Variants in DOCK9 observed in about 807,000 individuals in gnomAD.
DOCK9 encodes dedicator of cytokinesis protein 9.
Under a neutral mutation model 263.3 loss-of-function variants are expected in DOCK9, and 89 were observed. The observed-to-expected ratio is 0.34, with a 90% CI of 0.28 to 0.40. The LOEUF is 0.40. Ranked by LOEUF, DOCK9 falls within the 10% of genes least tolerant of loss-of-function variation. The pLI is 1.00. For missense variants in DOCK9, 2,140 were observed against 2,603.4 expected, an observed-to-expected ratio of 0.82 and a Z score of 3.87; for synonymous variants, 976 against 973.1, an observed-to-expected ratio of 1.00 and a Z score of -0.06.
intron 44 of DOCK9, 144 bp downstream of exon 44, chr13:98,826,684 CAT>C (rs2092553811): frequency 4.7e-6 from 3 of 637,704 alleles, no homozygotes; most frequent in Non-Finnish European, 8.0e-6. Flanking sequence ...TTCAAGCAAA[CAT>C]CACGCCAGGG....
chr13:99,014,558 C>T (rs538401097), intron 1 of DOCK9, among the ~76,000 whole-genome samples: 3 of 152,312 alleles, frequency 2.0e-5, no homozygotes, highest in South Asian at 2.1e-4. Flanking sequence ...CATGCCAATA[C>T]CCCCTTCTCA....
At chr13:98,919,478 A>G (rs1362407169) in intron 7 of DOCK9, among the ~76,000 whole-genome samples, 3 of 152,260 alleles carry the variant, frequency 2.0e-5, no homozygotes, top group Admixed American at 2.0e-4. Context: ...TGTAACAAGT[A>G]TACCTTTAGT....
chr13:98,810,111 G>A (rs2091164205), intron 46 of DOCK9, 58 bp downstream of exon 46: 11 of 1,606,674 alleles, frequency 6.8e-6, no homozygotes, highest in Non-Finnish European at 9.4e-6. Flanking sequence ...GCAGGTCTGG[G>A]TATATGTCAC....
At chr13:98,991,220 C>T (rs962672846) in intron 1 of DOCK9, among the ~76,000 whole-genome samples, 6 of 151,828 alleles carry the variant, frequency 4.0e-5, no homozygotes, top group African/African-American at 1.5e-4. Context: ...TATAGGCATG[C>T]ACCACCATGC....
intron 9 of DOCK9, among the ~76,000 whole-genome samples, chr13:98,909,374 T>C (rs191016610): frequency 2.6e-5 from 4 of 152,326 alleles, no homozygotes; most frequent in African/African-American, 9.6e-5. Context: ...GCTTTAGGCA[T>C]ACTCTGTGTC....
Position 98,886,632 on chromosome 13 carries a change from AAG to A in DOCK9, c.2044-10_2044-9del. 6.2e-7 allele frequency: 1 copy of A among 1,611,444 alleles called. No homozygotes were observed. The highest frequency in any genetic ancestry group is 8.5e-7 in the Non-Finnish European group (1 of 1,177,856). On this transcript the variant is annotated splice_polypyrimidine_tract_variant and intron_variant, in intron 18 of 52. Transcript: ENST00000682017. ...AGGTCTGCCATAAATGCACTAAAAT[AAG>A]AGTTACCAAAGGGAAACATCACGGT...
At chr13:98,827,730 C>T (rs937523052) in intron 43 of DOCK9, among the ~76,000 whole-genome samples, 2 of 152,194 alleles carry the variant, frequency 1.3e-5, no homozygotes, top group African/African-American at 2.4e-5. Context: ...ATGCCTCCCA[C>T]GTGTGTCCCT....
intron 1 of DOCK9, among the ~76,000 whole-genome samples, chr13:99,061,696 T>C (rs376690540): frequency 2.6e-5 from 4 of 152,086 alleles, no homozygotes; most frequent in Non-Finnish European, 5.9e-5. Flanking sequence ...CCACCCCCAC[T>C]GCTCCCAGGC....
intron 1 of DOCK9, among the ~76,000 whole-genome samples, chr13:99,052,020 C>G (rs2142214929): frequency 6.6e-6 from 1 of 152,344 alleles, no homozygotes; most frequent in South Asian, 2.1e-4. Flanking sequence ...AGAAGCCAAA[C>G]TGATATTCAG....
At position 98,989,341 on chromosome 13, in the gene DOCK9, ATGATG is replaced by A. The variant is rs1879240177; in HGVS notation, c.130-33795_130-33791del. ...AATGATGATGATGATGATGATGATG[ATGATG>A]ATAATAATAATAATAATAATAATAA... On this transcript the variant is annotated intron_variant, in intron 1 of 32. Coordinates refer to the DOCK9 transcript ENST00000427887. Among the ~76,000 whole-genome samples, 15 of 127,094 alleles carry A rather than the reference ATGATG, an allele frequency of 1.2e-4. No homozygotes were observed. In the South Asian group the frequency reaches 3.9e-3, roughly 33 times the overall value. The allele number at this position is 127,094 out of a possible 152,430, so 83.4% of individuals were successfully genotyped here.
chr13:98,804,164 G>A (rs2090431672), intron 49 of DOCK9, among the ~76,000 whole-genome samples: 1 of 152,136 alleles, frequency 6.6e-6, no homozygotes, highest in Non-Finnish European at 1.5e-5. Context: ...GACTTAACTA[G>A]GGCCACTCTT....
intron 45 of DOCK9, among the ~76,000 whole-genome samples, chr13:98,822,940 A>C (rs993388894): frequency 3.3e-5 from 5 of 152,142 alleles, no homozygotes; most frequent in Non-Finnish European, 5.9e-5. Context: ...TTTTGAGCTC[A>C]AGACCCCTTC....
intron 1 of DOCK9, among the ~76,000 whole-genome samples, chr13:99,060,980 A>G (rs754740527): frequency 2.0e-5 from 3 of 152,358 alleles, no homozygotes; most frequent in Middle Eastern, 3.4e-3. Flanking sequence ...TTCCCTTTAC[A>G]TGTTAATCCT....
chr13:99,087,731 G>C (rs994808566), upstream of DOCK9: 4 of 152,410 alleles, frequency 2.6e-5, no homozygotes, highest in South Asian at 8.3e-4. Context: ...TCAGTGGTTG[G>C]GGACTGGGCG....
Position 98,797,118 on chromosome 13 carries a change from C to T in DOCK9, c.6153G>A (p.Glu2051=). 1 of 1,614,002 alleles carries T rather than the reference C, an allele frequency of 6.2e-7. No homozygotes were observed. The highest frequency in any genetic ancestry group is 8.5e-7 in the Non-Finnish European group (1 of 1,179,904). Residue 2051 remains glutamate, a synonymous_variant, in exon 52 of 53, where the codon GAG becomes GAA. Transcript: ENST00000682017. ...TTGGAGCCAGTGCGGCCCTCACCTG[C>T]TCATGCATGATTTCAGAAAGCTCCT... ...MAKELSEIMH[E]QICPLEEKTS...
At chr13:98,903,322 G>C (rs1289092142) in intron 10 of DOCK9, among the ~76,000 whole-genome samples, 1 of 152,112 alleles carries the variant, frequency 6.6e-6, no homozygotes, top group African/African-American at 2.4e-5. Flanking sequence ...GGCCGGGCAC[G>C]GTGGCTCACG....
At chr13:98,801,271 T>TGA (rs2090080264) in intron 49 of DOCK9, among the ~76,000 whole-genome samples, 1 of 152,008 alleles carries the variant, frequency 6.6e-6, no homozygotes, top group Non-Finnish European at 1.5e-5. Context: ...GGCTACAGAG[T>TGA]GAGACCCTGT....
chr13:98,942,868 C>G (rs2056168466), intron 2 of DOCK9, among the ~76,000 whole-genome samples: 1 of 151,614 alleles, frequency 6.6e-6, no homozygotes, highest in African/African-American at 2.4e-5. Context: ...TATGTGTGTA[C>G]CTACACATAT....
intron 13 of DOCK9, among the ~76,000 whole-genome samples, chr13:98,899,329 C>T (rs2047915297): frequency 6.6e-6 from 1 of 152,098 alleles, no homozygotes; most frequent in Admixed American, 6.5e-5. Context: ...ACACTGAATC[C>T]AGCTGTATGA....
Sources: gnomAD v4.1 joint callset for allele counts (sites outside exome capture counted in the v4.1 genomes callset) on GRCh38, gnomAD v4.1.1 for gene constraint, MANE v1.5 for transcripts, NCBI Gene and HGNC (gene_info 2026-07-23, HGNC 2026-07-21) for gene names.